Variants in MUC5B observed in about 807,000 individuals in gnomAD.
MUC5B encodes mucin 5B, oligomeric mucus/gel-forming.
A neutral mutation model predicts 376.9 loss-of-function variants in MUC5B; 116 were observed. The observed-to-expected ratio is 0.31, with a 90% CI of 0.26 to 0.36. The LOEUF is 0.36. MUC5B is among the 10% of genes least tolerant of loss of function. The pLI is 1.00. For missense variants in MUC5B, 7,165 were observed against 7,769.9 expected (o/e 0.92, Z 2.93); for synonymous variants, 3,517 against 3,390.9 (o/e 1.04, Z -1.29).
At chr11:1,231,713 C>T (rs1862033191) in intron 14 of MUC5B, among the ~76,000 whole-genome samples, 153 bp downstream of exon 14, 2 of 152,192 alleles carry the variant, frequency 1.3e-5, no homozygotes, top group South Asian at 2.1e-4. Flanking sequence ...CAGCGCAGGA[C>T]ACCAGCATTG....
chr11:1,238,801 C>G (rs140820695), intron 25 of MUC5B, 70 bp from the exon 26 acceptor site: 43,860 of 1,503,878 alleles, frequency 0.029, 826 homozygotes, highest in Non-Finnish European at 0.032. Context: ...AGCAACTGGC[C>G]CTGGGCCAGC....
At position 1,251,684 on chromosome 11, in the gene MUC5B, C is replaced by G. The variant is rs760612241; in HGVS notation, c.14804C>G (p.Pro4935Arg). The change falls in exon 31 of 49, where the codon CCC becomes CGC. Residue 4935 changes from proline to arginine, a missense_variant. Transcript: ENST00000529681. Reference protein sequence around the residue: ...VLTTLRPTGFPSSHFSTPCFC... With the variant: ...VLTTLRPTGFRSSHFSTPCFC... ...ACCACCCTGAGACCCACTGGCTTCC[C>G]CAGCTCCCACTTCTCTACTCCCTGC... 3.7e-6 allele frequency: 6 copies of G among 1,612,722 alleles called. No individual in the cohort carries two copies. Among genetic ancestry groups the G allele is most frequent in the Middle Eastern group, 1.7e-4 (1 of 6,060 alleles).
At position 1,234,445 on chromosome 11, in the gene MUC5B, G is replaced by A. The variant is rs1172948786; in HGVS notation, c.2479-84G>A. The A allele has an allele frequency of 3.9e-6, 6 of 1,521,194 alleles. No homozygotes were observed. Among genetic ancestry groups the A allele is most frequent in the Non-Finnish European group, 3.5e-6 (4 of 1,127,502 alleles). The allele number at this position is 1,521,194 out of a possible 1,614,324, so 94.2% of individuals were successfully genotyped here. A position where few individuals can be genotyped will look rare whatever the true frequency, so the allele number is the denominator to read the frequency against. ...TGGCCCATGCGTTGCCCTGGGTGCT[G>A]CTGGGTGCGCCTGTCCCAGAGGGTG... On this transcript the variant is annotated intron_variant, in intron 20 of 48. Transcript: ENST00000529681. This position sits in a 1 kb window ranked among gnomAD's most constrained non-coding sequence, Gnocchi z 6.3.
At position 1,241,750 on chromosome 11, in the gene MUC5B, A is replaced by G; in HGVS notation, c.4870A>G (p.Thr1624Ala). Residue 1624 changes from threonine (T) to alanine (A), a missense_variant, in exon 31 of 49, where the codon ACC (threonine) becomes GCC (alanine). By Grantham distance (58) the Thr-to-Ala change is moderately conservative. Around this residue, in one of 31 missense-constraint regions of MUC5B, gnomAD observed 897 missense variants for 779.6 expected, o/e 1.15. Transcript: ENST00000529681. ...GCTGGAGACGGCCACCACCACCACC[A>G]CCCAGGCCCTGTTCTCAACGCCGCA... Reference protein sequence around the residue: ...TELETATTTTTQALFSTPQPT... With the variant: ...TELETATTTTAQALFSTPQPT... 1 of 1,611,372 alleles carries G rather than the reference A, an allele frequency of 6.2e-7. No individual in the cohort carries two copies. The highest frequency in any genetic ancestry group is 1.1e-5 in the South Asian group (1 of 90,876).
In MUC5B at chr11:1,245,826, G is replaced by A. The variant is rs766530317; in HGVS notation, c.8946G>A (p.Thr2982=). The A allele has an allele frequency of 1.8e-5, 29 of 1,613,282 alleles. No individual in the cohort carries two copies. The highest frequency in any genetic ancestry group is 1.6e-4 in the African/African-American group (12 of 74,680). The stretch of plus-strand genomic sequence containing the variant: ...CCCCGGCCACCAGCTCTACGGCCAC[G>A]CCCTCCTCCACTCCAGGGACGACCT... ...PSTPATSSTA[T]PSSTPGTTWI... is the part of the protein sequence containing the mutation. Residue 2982 remains threonine (T), a synonymous_variant, in exon 31 of 49, where the codon ACG becomes ACA. Coordinates refer to ENST00000529681, the MANE Select transcript of MUC5B (RefSeq NM_002458.3).
chr11:1,245,620 G>A lies in MUC5B; in HGVS notation c.8740G>A (p.Gly2914Ser), dbSNP rs775323204. ...AGGGGCCGTCTGTGAGCAGCCCCTG[G>A]GCCTCGAGTGCCGTGCCCAGGCCCA... is the stretch of plus-strand genomic sequence containing the variant. ...AGGAVCEQPLGLECRAQAQPG... is the reference protein window; with the variant it reads ...AGGAVCEQPLSLECRAQAQPG... Residue 2914 changes from glycine to serine, a missense_variant, in exon 31 of 49, where the codon GGC becomes AGC. Around this residue, in one of 31 missense-constraint regions of MUC5B, gnomAD observed 57 missense variants for 167.2 expected, o/e 0.34. Transcript: ENST00000529681. 8 of 1,592,788 alleles carry A rather than the reference G, an allele frequency of 5.0e-6. No individual in the cohort carries two copies. The highest frequency in any genetic ancestry group is 4.4e-5 in the South Asian group (4 of 89,952).
At chr11:1,232,373 AG>A in intron 15 of MUC5B, 76 bp from the exon 16 acceptor site, 1 of 1,472,818 alleles carries the variant, frequency 6.8e-7, no homozygotes, top group Non-Finnish European at 9.2e-7. Flanking sequence ...CCCCGGGCTG[AG>A]GGGGTCGCAG....
rs775923468 is a variant in MUC5B, at chr11:1,226,783, T to G, written c.368T>G (p.Val123Gly). The change falls in exon 4 of 49, where the codon GTG becomes GGG. Residue 123 changes from valine (V) to glycine (G), a missense_variant. Physicochemically the swap from Val to Gly is moderately radical, Grantham distance 109. This residue lies in a region of MUC5B where 640 missense variants were observed against 733.0 expected (regional missense o/e 0.87). Transcript: ENST00000529681. The part of the protein sequence containing the change: ...DFNVQLRRGL[V>G]GSRPVVTRVV... ...AACGTCCAGCTACGCCGAGGCCTAG[T>G]GGGCTCCAGGCCTGTGGTCACCCGT... 3 of 1,612,416 alleles carry G rather than the reference T, an allele frequency of 1.9e-6. No homozygotes were observed. Among genetic ancestry groups the G allele is most frequent in the South Asian group, 1.1e-5 (1 of 91,070 alleles).
In MUC5B at chr11:1,246,248, C is replaced by T. The variant is rs200241628; in HGVS notation, c.9368C>T (p.Ser3123Phe). 6.6e-4 allele frequency: 1,071 copies of T among 1,612,470 alleles called. 7 individuals are homozygous for T. Among genetic ancestry groups the T allele is most frequent in the Non-Finnish European group, 6.9e-4 (817 of 1,179,416 alleles). ...ACGACAAGGGCCACCAGTTCCATGTCCACCCCCTCCTCCACTCCGGGGACG... is the reference window on the plus strand; with the variant it reads ...ACGACAAGGGCCACCAGTTCCATGTTCACCCCCTCCTCCACTCCGGGGACG... ...ATTTRATSSM[S>F]TPSSTPGTTW... The change falls in exon 31 of 49, where the codon TCC (serine) becomes TTC (phenylalanine). Residue 3123 changes from serine (S) to phenylalanine (F), a missense_variant. By Grantham distance (155) the Ser-to-Phe change is radical. Around this residue, in one of 31 missense-constraint regions of MUC5B, gnomAD observed 939 missense variants for 770.6 expected, o/e 1.22. Coordinates refer to ENST00000529681, the MANE Select transcript of MUC5B (RefSeq NM_002458.3).
rs533961121 is a variant in MUC5B, at chr11:1,247,210, A to T, written c.10330A>T (p.Thr3444Ser). Residue 3444 changes from threonine to serine, a missense_variant, in exon 31 of 49, where the codon ACA becomes TCA. By Grantham distance (58) the Thr-to-Ser change is moderately conservative (BLOSUM62 1). Coordinates refer to ENST00000529681, the MANE Select transcript of MUC5B (RefSeq NM_002458.3). Reference protein sequence around the residue: ...TPSSALGTTHTPPVPNTTATT... With the variant: ...TPSSALGTTHSPPVPNTTATT... ...CTCCTCTGCCCTAGGGACCACCCAC[A>T]CACCCCCAGTGCCGAACACCACGGC... 7.9e-5 allele frequency: 124 copies of T among 1,570,144 alleles called. No individual in the cohort carries two copies. The South Asian group carries it at 1.3e-3, about 17-fold the overall frequency.
intron 46 of MUC5B, 98 bp from the exon 47 acceptor site, chr11:1,260,253 A>T (rs1862962097): frequency 8.3e-7 from 1 of 1,210,734 alleles, no homozygotes; most frequent in South Asian, 1.3e-5. Flanking sequence ...CCTGCCCGGG[A>T]GGCCATGCCC....
At chr11:1,232,285 C>T in intron 15 of MUC5B, 125 bp downstream of exon 15, 1 of 1,361,720 alleles carries the variant, frequency 7.3e-7, no homozygotes, top group Non-Finnish European at 1.0e-6. Context: ...TGGGAGGCAT[C>T]AGGAGGAGGT....
chr11:1,238,387 C>T (rs1862200489), intron 25 of MUC5B, among the ~76,000 whole-genome samples: 1 of 152,128 alleles, frequency 6.6e-6, no homozygotes, highest in Non-Finnish European at 1.5e-5. Flanking sequence ...TGTGGAGGGC[C>T]CTGGCCGGGG....
At chr11:1,256,502 CCACCCCAG>C in intron 38 of MUC5B, 161 bp from the exon 39 acceptor site, 1 of 455,782 alleles carries the variant, frequency 2.2e-6, no homozygotes, top group Non-Finnish European at 3.9e-6. Flanking sequence ...CCGCCCACCC[CCACCCCAG>C]CCCCACCCGT....
chr11:1,243,082 G>A lies in MUC5B; in HGVS notation c.6202G>A (p.Gly2068Arg). Residue 2068 changes from glycine (G) to arginine (R), a missense_variant, in exon 31 of 49, where the codon GGG (glycine) becomes AGG (arginine). Around this residue, in one of 31 missense-constraint regions of MUC5B, gnomAD observed 897 missense variants for 779.6 expected, o/e 1.15. Transcript: ENST00000529681. ...GFTATPSSSPGTALTPPVWIS... is the reference protein window; with the variant it reads ...GFTATPSSSPRTALTPPVWIS... ...CACAGCCACCCCCTCCTCCAGCCCA[G>A]GGACGGCACTCACGCCTCCAGTGTG... 6.2e-7 allele frequency: 1 copy of A among 1,611,776 alleles called. No individual in the cohort carries two copies. Among genetic ancestry groups the A allele is most frequent in the Non-Finnish European group, 8.5e-7 (1 of 1,178,982 alleles).
chr11:1,228,812 G>T, intron 8 of MUC5B, 47 bp downstream of exon 8: 1 of 1,437,642 alleles, frequency 7.0e-7, no homozygotes, highest in South Asian at 1.4e-5. Flanking sequence ...AGAGAGAAGG[G>T]GCAGGGGGAG....
At position 1,258,519 on chromosome 11, in the gene MUC5B, G is replaced by C. The variant is rs575363873; in HGVS notation, c.16593+152G>C. 1.0e-3 allele frequency among the ~76,000 whole-genome samples: 152 copies of C among 152,270 alleles called. 2 individuals carry two copies. The highest frequency in any genetic ancestry group is 3.4e-3 in the African/African-American group (143 of 41,538). On this transcript the variant is annotated intron_variant, in intron 43 of 48. Coordinates refer to ENST00000529681, the MANE Select transcript of MUC5B (RefSeq NM_002458.3). This position sits in a 1 kb window ranked among gnomAD's most constrained non-coding sequence, Gnocchi z 5.5. ...CCTGGACACGTCAGAGCTGGGACAT[G>C]CTTGGGACTCAGGGGCACCTTACGT...
chr11:1,240,101 CG>C lies in MUC5B; in HGVS notation c.3772+19del, dbSNP rs762930421. The C allele has an allele frequency of 3.8e-6, 6 of 1,562,028 alleles. No individual in the cohort carries two copies. Among genetic ancestry groups the C allele is most frequent in the Admixed American group, 1.8e-5 (1 of 55,408 alleles). ...CACAGCCTTGAGGGTAAGGAAGGGC[CG>C]GGGGGTTAGTGGGCCGGTGAAGGCT... On this transcript the variant is annotated intron_variant, in intron 29 of 48. Coordinates refer to ENST00000529681, the MANE Select transcript of MUC5B (RefSeq NM_002458.3).
rs1405451797 is a variant in MUC5B at position 1,247,791 on chromosome 11, C to T, written c.10911C>T (p.Ser3637=). The change falls in exon 31 of 49, where the codon AGC becomes AGT. Residue 3637 remains serine (S), a synonymous_variant. Transcript: ENST00000529681. ...AGTTGGGCCAGGTCGTGGAATGCAG[C>T]CTGGACTTTGGCCTGGTCTGCAGGA... ...LRELGQVVEC[S]LDFGLVCRNR... is the part of the protein sequence containing the mutation. 3 of 1,608,262 alleles carry T rather than the reference C, an allele frequency of 1.9e-6. No individual in the cohort carries two copies. Among genetic ancestry groups the T allele is most frequent in the Middle Eastern group, 2.3e-4 (1 of 4,420 alleles).
Sources: allele counts gnomAD v4.1 joint callset (sites outside exome capture counted in the v4.1 genomes callset), GRCh38; gene constraint gnomAD v4.1.1; regional missense constraint gnomAD v4.1.1; non-coding constraint Gnocchi (gnomAD v3.1); transcripts MANE v1.5; gene names NCBI Gene and HGNC (gene_info 2026-07-23, HGNC 2026-07-21).